TUB: variants seen among roughly 807,000 people sequenced by gnomAD.
TUB encodes the protein TUB bipartite transcription factor.
A neutral mutation model predicts 59.7 loss-of-function variants in TUB; 33 were observed. The observed-to-expected ratio is 0.55, with a 90% CI of 0.42 to 0.74. The LOEUF is 0.74. TUB is among the 30% of genes least tolerant of loss of function. The pLI is 0.00. For synonymous variants in TUB, 293 were observed against 256.4 expected (o/e 1.14, Z -1.36); for missense variants, 659 against 672.0 (o/e 0.98, Z 0.21).
chr11:8,094,001 C>T, intron 3 of TUB, 45 bp from the exon 4 acceptor site: 1 of 1,613,248 alleles, frequency 6.2e-7, no homozygotes, highest in East Asian at 2.2e-5. Flanking sequence ...TGGTCTCACC[C>T]ACTGCCTGTT....
intron 2 of TUB, among the ~76,000 whole-genome samples, chr11:8,073,766 G>C (rs1437170272): frequency 1.3e-5 from 2 of 152,242 alleles, no homozygotes; most frequent in Non-Finnish European, 2.9e-5. Flanking sequence ...GCTGGGCTTA[G>C]ATGCCCCCTG....
chr11:8,040,468 T>C (rs1942730779), intron 2 of TUB, among the ~76,000 whole-genome samples: 1 of 152,104 alleles, frequency 6.6e-6, no homozygotes, highest in Admixed American at 6.5e-5. Flanking sequence ...TGCCTCCTCA[T>C]GGATGTCAGT....
intron 9 of TUB, among the ~76,000 whole-genome samples, chr11:8,099,718 TAAG>T (rs2133897893): frequency 6.6e-6 from 1 of 152,224 alleles, no homozygotes; most frequent in East Asian, 1.9e-4. Context: ...GGAGGGGAGA[TAAG>T]AAATGTCAAG....
rs1266292029 is a variant in TUB at position 8,106,093 on chromosome 11, C to CTT, written c.*4476_*4477dup. 1 of 152,140 alleles carries CTT rather than the reference C, an allele frequency of 6.6e-6. No homozygotes were observed. Among genetic ancestry groups the CTT allele is most frequent in the Non-Finnish European group, 1.5e-5 (1 of 68,028 alleles). The allele number at this position is 152,140 out of a possible 1,614,324, so 9.4% of individuals were successfully genotyped here. A position where few individuals can be genotyped will look rare whatever the true frequency, so the allele number is the denominator to read the frequency against. On this transcript the variant is annotated 3_prime_UTR_variant, in exon 12 of 12. Transcript: ENST00000299506. Reference sequence around the variant, plus strand: ...TGCTTTTATTGACTTTTTGAATAAACTTTGGTATTCTGGAGCAAATGTATT... The same window carrying CTT: ...TGCTTTTATTGACTTTTTGAATAAACTTTTTGGTATTCTGGAGCAAATGTATT...
chr11:8,026,348 A>G (rs912853834), intron 1 of TUB, among the ~76,000 whole-genome samples: 1 of 151,788 alleles, frequency 6.6e-6, no homozygotes, highest in African/African-American at 2.4e-5. Flanking sequence ...CTGATGTTGT[A>G]TCTAAGAAAT....
Position 8,101,725 on chromosome 11 carries a change from G to A in TUB, c.*106G>A. 6.8e-7 allele frequency: 1 copy of A among 1,468,762 alleles called. No individual in the cohort carries two copies. The highest frequency in any genetic ancestry group is 1.4e-5 in the South Asian group (1 of 71,560). 91.0% of individuals were successfully genotyped at this position (1,468,762 alleles called of 1,614,324 possible). On this transcript the variant is annotated 3_prime_UTR_variant, in exon 12 of 12. Transcript: ENST00000299506. The stretch of plus-strand genomic sequence containing the variant: ...TCTGTATATAGGCCTTCCGCCAGAT[G>A]AAGCTTTGGCCCTCAGTGGGCTCCC...
Position 8,082,541 on chromosome 11 carries a change from G to A in TUB, c.38+993G>A, listed in dbSNP as rs1262998386. ...ACGGGGCTGTCTCTGTGGAAAATGG[G>A]TGCTGGACTCCTAAGGCCCACTGTG... On this transcript the variant is annotated intron_variant, in intron 1 of 11. Coordinates refer to ENST00000299506, the MANE Select transcript of TUB (RefSeq NM_177972.3). Among the ~76,000 whole-genome samples, 11 of 152,320 alleles carry A rather than the reference G, an allele frequency of 7.2e-5. 2 individuals are homozygous for A. The South Asian group carries it at 2.3e-3, about 32-fold the overall frequency.
chr11:8,099,392 T>G (rs958430101), intron 9 of TUB, among the ~76,000 whole-genome samples: 1 of 152,140 alleles, frequency 6.6e-6, no homozygotes, highest in East Asian at 1.9e-4. Flanking sequence ...TTTTCTTCAT[T>G]TTTAAAATCA....
At chr11:8,032,622 C>T (rs1301962029) in intron 1 of TUB, among the ~76,000 whole-genome samples, 3 of 152,216 alleles carry the variant, frequency 2.0e-5, no homozygotes, top group African/African-American at 7.2e-5. Flanking sequence ...TTAACCTACA[C>T]GTGTTCATTC....
chr11:8,098,712 G>A, intron 8 of TUB, 46 bp from the exon 9 acceptor site: 2 of 1,426,730 alleles, frequency 1.4e-6, no homozygotes, highest in Non-Finnish European at 2.0e-6. Context: ...TCCCTGCTCT[G>A]GGGCAGAGGG....
chr11:8,053,122 CT>C (rs1464886440), intron 2 of TUB, among the ~76,000 whole-genome samples: 1 of 152,104 alleles, frequency 6.6e-6, no homozygotes, highest in Non-Finnish European at 1.5e-5. Flanking sequence ...TCCAAGACCT[CT>C]TTGGTATCTG....
chr11:8,054,945 G>A (rs561114643), intron 2 of TUB, among the ~76,000 whole-genome samples: 1 of 152,104 alleles, frequency 6.6e-6, no homozygotes, highest in Admixed American at 6.6e-5. Context: ...GGTGGGCTTG[G>A]GCAAGATGGG....
intron 1 of TUB, among the ~76,000 whole-genome samples, chr11:8,021,964 A>C (rs549678339): frequency 1.3e-5 from 2 of 152,124 alleles, no homozygotes; most frequent in South Asian, 4.2e-4. Context: ...AGACCCCTAC[A>C]TAAAGACATT....
chr11:8,070,558 T>C (rs1422782365), intron 2 of TUB, among the ~76,000 whole-genome samples: 1 of 152,236 alleles, frequency 6.6e-6, no homozygotes, highest in Admixed American at 6.5e-5. Flanking sequence ...AGTAATCATG[T>C]GCAATAATAT....
intron 1 of TUB, among the ~76,000 whole-genome samples, chr11:8,029,923 C>A (rs1483289351): frequency 1.3e-5 from 2 of 152,098 alleles, no homozygotes; most frequent in African/African-American, 4.8e-5. Flanking sequence ...GCAGCTACTT[C>A]TCTTTTGATG....
chr11:8,043,818 A>T (rs1380158092), intron 2 of TUB, among the ~76,000 whole-genome samples: 3 of 152,102 alleles, frequency 2.0e-5, no homozygotes, highest in African/African-American at 7.2e-5. Context: ...GATAACTTAG[A>T]TTTTTATTAC....
At chr11:8,036,245 G>A (rs766647677), upstream of TUB, among the ~76,000 whole-genome samples, 7 of 152,070 alleles carry the variant, frequency 4.6e-5, no homozygotes, top group Non-Finnish European at 8.8e-5. Context: ...AAGCACCTCT[G>A]CCCTGCCTGT....
At chr11:8,041,985 G>A (rs1942759094) in intron 2 of TUB, among the ~76,000 whole-genome samples, 1 of 152,062 alleles carries the variant, frequency 6.6e-6, no homozygotes, top group Admixed American at 6.6e-5. Flanking sequence ...CCCACTTATT[G>A]GGATATAATT....
upstream of TUB, among the ~76,000 whole-genome samples, chr11:8,034,793 A>G (rs1328471175): frequency 6.6e-6 from 1 of 152,066 alleles, no homozygotes; most frequent in East Asian, 1.9e-4. Flanking sequence ...CCCTTAGCAG[A>G]CAACCTGACG....
Sources: allele counts gnomAD v4.1 joint callset (sites outside exome capture counted in the v4.1 genomes callset), GRCh38; gene constraint gnomAD v4.1.1; transcripts MANE v1.5; gene names NCBI Gene and HGNC (gene_info 2026-07-23, HGNC 2026-07-21).